Variants in RP1 observed in about 807,000 individuals in gnomAD.
RP1 encodes the protein oxygen-regulated protein 1.
In RP1, 16 loss-of-function variants were observed where a neutral mutation model predicts 14.8. That is an observed-to-expected ratio of 1.08 (90% CI 0.73 to 1.65). RP1 has a LOEUF of 1.65. Among genes scored for constraint, RP1 ranks in the 40% most tolerant of loss-of-function variants. The pLI is 0.00. For missense variants in RP1, 2,631 were observed against 2,535.0 expected (o/e 1.04, Z -0.81); for synonymous variants, 876 against 883.6 (o/e 0.99, Z 0.15).
chr8:54,639,864 T>C (rs866309086), intron 3 of RP1, among the ~76,000 whole-genome samples: 7 of 152,214 alleles, frequency 4.6e-5, no homozygotes, highest in African/African-American at 1.4e-4. Flanking sequence ...CAGATGTATG[T>C]CTTGCACGCA....
chr8:54,640,582 G>A (rs1020312540), intron 3 of RP1, among the ~76,000 whole-genome samples: 1 of 152,112 alleles, frequency 6.6e-6, no homozygotes, highest in Non-Finnish European at 1.5e-5. Context: ...TTATATTCCT[G>A]GGTGAAAAGA....
chr8:54,721,302 T>G (rs1466894890), intron 16 of RP1, among the ~76,000 whole-genome samples: 1 of 152,180 alleles, frequency 6.6e-6, no homozygotes, highest in Non-Finnish European at 1.5e-5. Flanking sequence ...TGTCACAGAG[T>G]GGCATTCTGC....
exon 21 of RP1, chr8:54,755,729 C>G: frequency 6.5e-7 from 1 of 1,531,800 alleles, no homozygotes; most frequent in South Asian, 1.2e-5. Flanking sequence ...CCTCAGACAG[C>G]TGTACAAATC....
At chr8:54,773,665 A>G (rs946256904), downstream of RP1, among the ~76,000 whole-genome samples, 1 of 152,106 alleles carries the variant, frequency 6.6e-6, no homozygotes, top group African/African-American at 2.4e-5. Context: ...ATAAAATACC[A>G]TCTCAGGAAA....
At chr8:54,727,737 A>C (rs1315487348) in intron 17 of RP1, among the ~76,000 whole-genome samples, 1 of 152,038 alleles carries the variant, frequency 6.6e-6, no homozygotes, top group African/African-American at 2.4e-5. Context: ...TAGGTAAAAC[A>C]GACTTGGTCT....
At chr8:54,811,678 A>G (rs1810998418) in intron 24 of RP1, among the ~76,000 whole-genome samples, 1 of 152,208 alleles carries the variant, frequency 6.6e-6, no homozygotes, top group African/African-American at 2.4e-5. Context: ...AAGTTTAGAT[A>G]TCCCCAGCCA....
At chr8:54,584,490 GGAGA>G (rs1301716449) in intron 1 of RP1, among the ~76,000 whole-genome samples, 1 of 152,186 alleles carries the variant, frequency 6.6e-6, no homozygotes, top group African/African-American at 2.4e-5. Flanking sequence ...GATTTGGGGT[GGAGA>G]GTTCTGCAGA....
upstream of RP1, among the ~76,000 whole-genome samples, chr8:54,613,744 G>A (rs1808748564): frequency 6.6e-6 from 1 of 152,124 alleles, no homozygotes; most frequent in South Asian, 2.1e-4. Flanking sequence ...AGGGTGTCTG[G>A]GTTATGAGGA....
intron 6 of RP1, among the ~76,000 whole-genome samples, chr8:54,657,325 A>G (rs1453089408): frequency 6.6e-6 from 1 of 152,126 alleles, no homozygotes; most frequent in East Asian, 1.9e-4. Flanking sequence ...AGTTCTGCTC[A>G]AAGAAGGCAC....
rs753472023 is a variant in RP1 at position 54,626,517 on chromosome 8, G to C, written c.2635G>C (p.Ala879Pro). 2.3e-5 allele frequency: 37 copies of C among 1,613,646 alleles called. No homozygotes were observed. Among genetic ancestry groups the C allele is most frequent in the Middle Eastern group, 1.6e-4 (1 of 6,080 alleles). ...AAAACGTAAAGGGGATAAAGTGAAA[G>C]CAAGTGCTATTTTAAGTAAACAACA... ...QKKRKGDKVKASAILSKQHAT... is the reference protein window; with the variant it reads ...QKKRKGDKVKPSAILSKQHAT... The change falls in exon 4 of 4, where the codon GCA becomes CCA. Residue 879 changes from alanine (A) to proline (P), a missense_variant. Transcript: ENST00000220676.
At chr8:54,679,892 A>G in exon 12 of RP1, 2 of 1,536,050 alleles carry the variant, frequency 1.3e-6, no homozygotes, top group South Asian at 1.2e-5. Flanking sequence ...TTGCATCCAG[A>G]TGGCACAGTT....
chr8:54,698,469 G>A (rs1311197978), intron 12 of RP1, among the ~76,000 whole-genome samples: 2 of 152,314 alleles, frequency 1.3e-5, no homozygotes, highest in East Asian at 1.9e-4. Flanking sequence ...CATTGTGGAA[G>A]ACAGTGTGGT....
intron 1 of RP1, among the ~76,000 whole-genome samples, chr8:54,603,789 T>G (rs1805354876): frequency 6.6e-6 from 1 of 152,218 alleles, no homozygotes; most frequent in South Asian, 2.1e-4. Flanking sequence ...TATTTTATTC[T>G]CTTTGAAGCA....
In RP1 at chr8:54,579,932, G is replaced by T. The variant is rs1221031126; in HGVS notation, c.-13+20612G>T. On this transcript the variant is annotated intron_variant, in intron 1 of 22. Coordinates refer to the RP1 transcript ENST00000636932. ...CTGTCTCCTGGGAGTGCAGTGCTCT[G>T]CTCCCTCACATTCCTCCTGGGCTAG... 3.3e-5 allele frequency among the ~76,000 whole-genome samples: 5 copies of T among 152,296 alleles called. No individual in the cohort carries two copies. The East Asian group carries it at 9.6e-4, about 29-fold the overall frequency.
intron 24 of RP1, among the ~76,000 whole-genome samples, chr8:54,836,427 A>C (rs1811657803): frequency 6.6e-6 from 1 of 152,242 alleles, no homozygotes; most frequent in Non-Finnish European, 1.5e-5. Flanking sequence ...AGGAAGATTA[A>C]TCTGGTTTAT....
rs1310092598 is a variant in RP1, at chr8:54,629,511, A to G, written c.5629A>G (p.Lys1877Glu). ...VTHSFISAGNKVYPVSDDAIK... is the reference protein window; with the variant it reads ...VTHSFISAGNEVYPVSDDAIK... Reference sequence around the variant, plus strand: ...TCATTCCTTTATTTCTGCTGGTAACAAAGTCTACCCTGTCTCTGATGATGC... The same window carrying G: ...TCATTCCTTTATTTCTGCTGGTAACGAAGTCTACCCTGTCTCTGATGATGC... The change falls in exon 4 of 4, where the codon AAA (lysine) becomes GAA (glutamate). Residue 1877 changes from lysine (K) to glutamate (E), a missense_variant. Lys to Glu is a moderately conservative substitution (Grantham distance 56). Transcript: ENST00000220676. 2.5e-6 allele frequency: 4 copies of G among 1,614,010 alleles called. No homozygotes were observed. Among genetic ancestry groups the G allele is most frequent in the Non-Finnish European group, 3.4e-6 (4 of 1,180,004 alleles).
At chr8:54,603,066 T>C (rs1163418245) in intron 1 of RP1, among the ~76,000 whole-genome samples, 21 of 152,234 alleles carry the variant, frequency 1.4e-4, no homozygotes, top group African/African-American at 4.1e-4. Flanking sequence ...TCAATTTTTG[T>C]TTTTGTTGCC....
chr8:54,615,733 C>G (rs529525420), upstream of RP1, among the ~76,000 whole-genome samples: 107 of 152,116 alleles, frequency 7.0e-4, 1 homozygote, highest in Non-Finnish European at 1.4e-3. Flanking sequence ...TTACCAGGAG[C>G]AAGTACTGAC....
intron 25 of RP1, among the ~76,000 whole-genome samples, chr8:54,850,743 T>C (rs1042355677): frequency 6.6e-6 from 1 of 152,250 alleles, no homozygotes; most frequent in Non-Finnish European, 1.5e-5. Flanking sequence ...TGAAATAATT[T>C]ATTGTTATGA....
Sources: gnomAD v4.1 joint callset for allele counts (sites outside exome capture counted in the v4.1 genomes callset) on GRCh38, gnomAD v4.1.1 for gene constraint, MANE v1.5 for transcripts, NCBI Gene and HGNC (gene_info 2026-07-23, HGNC 2026-07-21) for gene names.